DOCK11: variants seen among roughly 807,000 people sequenced by gnomAD.
The protein encoded by DOCK11 is dedicator of cytokinesis protein 11.
A neutral mutation model predicts 169.1 loss-of-function variants in DOCK11; 70 were observed. The observed-to-expected ratio is 0.41, with a 90% CI of 0.34 to 0.51. DOCK11 has a LOEUF of 0.51. Ranked by LOEUF, DOCK11 falls within the 20% of genes least tolerant of loss-of-function variation. The probability of loss-of-function intolerance (pLI) is 0.10; values close to 1 mark genes in which losing one functional copy is unlikely to be tolerated. For synonymous variants in DOCK11, 529 were observed against 541.3 expected, an observed-to-expected ratio of 0.98 and a Z score of 0.32; for missense variants, 1,166 against 1,538.8, an observed-to-expected ratio of 0.76 and a Z score of 4.05.
At chrX:118,572,530 AT>A in intron 11 of DOCK11, 67 bp downstream of exon 11, 1 of 1,045,677 alleles carries the variant, frequency 9.6e-7, no homozygotes. Flanking sequence ...TCTCAAAATA[AT>A]TTGTACACCA....
chrX:118,554,105 C>T (rs1274823700), intron 6 of DOCK11, among the ~76,000 whole-genome samples: 3 of 111,779 alleles, frequency 2.7e-5, no homozygotes, highest in South Asian at 7.5e-4. Flanking sequence ...TGGGCTGAAG[C>T]GATCCTCTTG....
chrX:118,657,982 T>C (rs1414870663), intron 44 of DOCK11, among the ~76,000 whole-genome samples: 1 of 108,912 alleles, frequency 9.2e-6, no homozygotes, highest in East Asian at 2.8e-4. Context: ...AAAAAACCTG[T>C]AATCTGTTAA....
At position 118,662,731 on chromosome X, in the gene DOCK11, A is replaced by G; in HGVS notation, c.5015A>G (p.Asn1672Ser). 1 of 1,203,475 alleles carries G rather than the reference A, an allele frequency of 8.3e-7. No homozygotes were observed. Among genetic ancestry groups the G allele is most frequent in the South Asian group, 1.8e-5 (1 of 56,671 alleles). Residue 1672 changes from asparagine to serine, a missense_variant, in exon 45 of 53, where the codon AAT becomes AGT. Transcript: ENST00000276202. ...GCSAFKKITP[N>S]IDEEGAMKED... ...TCAGCGTTCAAGAAAATTACTCCCA[A>G]TATAGATGAAGAAGGAGCAATGAAA...
At chrX:118,595,239 G>A (rs5957032) in intron 20 of DOCK11, among the ~76,000 whole-genome samples, 1,256 of 111,627 alleles carry the variant, frequency 0.011, 19 homozygotes, top group African/African-American at 0.039. Context: ...CAGTAGCAGC[G>A]GGGGCAGAGA....
At chrX:118,509,794 G>C (rs914080242) in intron 1 of DOCK11, among the ~76,000 whole-genome samples, 1 of 112,412 alleles carries the variant, frequency 8.9e-6, no homozygotes, top group Non-Finnish European at 1.9e-5. Flanking sequence ...TGTCCAAAAA[G>C]CCTCACTTCC....
chrX:118,594,904 G>A (rs1184531466), intron 20 of DOCK11, among the ~76,000 whole-genome samples: 1 of 110,711 alleles, frequency 9.0e-6, no homozygotes. Context: ...TTGTACAGAG[G>A]CAGAGTATCA....
rs768822051 is a variant in DOCK11 at position 118,628,274 on chromosome X, T to C, written c.3774+2T>C. On this transcript the variant is annotated splice_donor_variant, in intron 34 of 52. Transcript: ENST00000276202. LOFTEE classifies it high-confidence loss of function. Reference sequence around the variant, plus strand: ...GATCAGGGCAACACTGGTGAAAATGTAAGAACTTAAATATATAGGATGACC... The same window carrying C: ...GATCAGGGCAACACTGGTGAAAATGCAAGAACTTAAATATATAGGATGACC... 1 of 1,156,909 alleles carries C rather than the reference T, an allele frequency of 8.6e-7. No homozygotes were observed. Among genetic ancestry groups the C allele is most frequent in the South Asian group, 1.8e-5 (1 of 54,163 alleles).
chrX:118,619,098 A>G lies in DOCK11; in HGVS notation c.3471+370A>G, dbSNP rs766710348. Among the ~76,000 whole-genome samples the G allele has an allele frequency of 8.3e-5, 9 of 108,214 alleles. No individual in the cohort carries two copies. In the East Asian group the frequency reaches 2.1e-3, roughly 25 times the overall value. The allele number at this position is 108,214 out of a possible 115,157, so 94.0% of individuals were successfully genotyped here. A position where few individuals can be genotyped will look rare whatever the true frequency, so the allele number is the denominator to read the frequency against. The stretch of plus-strand genomic sequence containing the variant: ...GGTCTCGAACTCCTGGCCTCAAGTG[A>G]TCCACCCACTGTGGTCTCCCAAACT... On this transcript the variant is annotated intron_variant, in intron 31 of 52. Coordinates refer to ENST00000276202, the MANE Select transcript of DOCK11 (RefSeq NM_144658.4).
chrX:118,664,135 T>C (rs781060403), intron 45 of DOCK11, among the ~76,000 whole-genome samples: 4 of 110,991 alleles, frequency 3.6e-5, no homozygotes, highest in Non-Finnish European at 7.5e-5. Flanking sequence ...AGTTAAGGCT[T>C]AAACCAGGGT....
chrX:118,507,078 C>T (rs897819636), intron 1 of DOCK11, among the ~76,000 whole-genome samples: 6 of 112,445 alleles, frequency 5.3e-5, no homozygotes, highest in Admixed American at 2.8e-4. Context: ...TGCGATTCTT[C>T]TCCACTTTTA....
chrX:118,654,126 C>T (rs926436902), intron 42 of DOCK11, among the ~76,000 whole-genome samples: 5 of 112,532 alleles, frequency 4.4e-5, no homozygotes, highest in African/African-American at 1.6e-4. Flanking sequence ...AAAATCCTGT[C>T]TCTAACATTT....
intron 38 of DOCK11, among the ~76,000 whole-genome samples, chrX:118,640,262 G>A (rs1342266377): frequency 8.9e-6 from 1 of 112,278 alleles, no homozygotes; most frequent in Non-Finnish European, 1.9e-5. Context: ...CAAAGAGTGA[G>A]AATGTTTTGT....
At chrX:118,500,010 A>G (rs947439709) in intron 1 of DOCK11, among the ~76,000 whole-genome samples, 157 of 109,459 alleles carry the variant, frequency 1.4e-3, no homozygotes, top group African/African-American at 5.2e-3. Flanking sequence ...GTCTTTTTCT[A>G]TTCTAATCAC....
At chrX:118,572,271 C>G in intron 10 of DOCK11, 52 bp from the exon 11 acceptor site, 1 of 1,055,449 alleles carries the variant, frequency 9.5e-7, no homozygotes, top group African/African-American at 1.9e-5. Context: ...TGATGTAAAT[C>G]AATATGAATC....
chrX:118,555,142 T>A (rs1375973456), intron 6 of DOCK11, among the ~76,000 whole-genome samples: 4 of 111,887 alleles, frequency 3.6e-5, no homozygotes, highest in Non-Finnish European at 5.6e-5. Context: ...AGACCCCTCC[T>A]ACTAGACTTG....
intron 12 of DOCK11, among the ~76,000 whole-genome samples, chrX:118,577,759 A>G (rs184710403): frequency 8.9e-6 from 1 of 111,998 alleles, no homozygotes; most frequent in East Asian, 2.8e-4. Context: ...GGAAATCACT[A>G]TATTAACAAA....
At chrX:118,643,713 T>A in intron 40 of DOCK11, 119 bp downstream of exon 40, 1 of 808,103 alleles carries the variant, frequency 1.2e-6, no homozygotes, top group Admixed American at 3.1e-5. Flanking sequence ...CATTAAGTAC[T>A]GCCTTTGTAA....
chrX:118,658,844 A>G (rs1204654949), intron 44 of DOCK11, among the ~76,000 whole-genome samples: 1 of 111,954 alleles, frequency 8.9e-6, no homozygotes. Context: ...TGTTTTCCCC[A>G]GGGAAGACAA....
rs552832689 is a variant in DOCK11, at chrX:118,587,008, A to C, written c.1796-1129A>C. ...AAAACATCTAAGAGTACAATGGATT[A>C]TTTTTTCCTAAAGAAGCAATTTGAA... On this transcript the variant is annotated intron_variant, in intron 16 of 52. Transcript: ENST00000276202. 5.5e-4 allele frequency among the ~76,000 whole-genome samples: 62 copies of C among 112,454 alleles called. 2 individuals carry two copies. In the South Asian group the frequency reaches 0.023, roughly 41 times the overall value.
Sources: allele counts gnomAD v4.1 joint callset (sites outside exome capture counted in the v4.1 genomes callset), GRCh38; gene constraint gnomAD v4.1.1; transcripts MANE v1.5; gene names NCBI Gene and HGNC (gene_info 2026-07-23, HGNC 2026-07-21).